Variants in LAMB2 observed in about 807,000 individuals in gnomAD.
LAMB2 encodes the protein laminin subunit beta-2.
LAMB2 carries 119 observed loss-of-function variants against 202.7 expected under a neutral mutation model. The ratio of observed to expected loss-of-function variants is 0.59; its 90% confidence interval spans 0.51 to 0.68. The LOEUF is 0.68. Ranked by LOEUF, LAMB2 falls within the 30% of genes least tolerant of loss-of-function variation. The pLI, the probability that LAMB2 is intolerant of heterozygous loss-of-function variation, is 0.00. For synonymous variants in LAMB2, 818 were observed against 902.2 expected (o/e 0.91, Z 1.67); for missense variants, 2,124 against 2,410.6 (o/e 0.88, Z 2.49).
Position 49,121,327 on chromosome 3 carries a change from G to T in LAMB2, c.5296C>A (p.Leu1766Met), listed in dbSNP as rs200137625. ...EGTYEENERA[L>M]ESKAAQLDGL... ...TCCAACTGGGCTGCCTTACTCTCCAGTGCCCGCTCATTTTCCTCATAGGTG... is the reference window on the plus strand; with the variant it reads ...TCCAACTGGGCTGCCTTACTCTCCATTGCCCGCTCATTTTCCTCATAGGTG... Residue 1766 changes from leucine to methionine, a missense_variant, in exon 32 of 32, where the codon CTG (leucine) becomes ATG (methionine). By Grantham distance (15) the Leu-to-Met change is conservative. Coordinates refer to ENST00000305544, the MANE Select transcript of LAMB2 (RefSeq NM_002292.4). The T allele has an allele frequency of 8.1e-6, 13 of 1,613,972 alleles. No homozygotes were observed. The East Asian group carries it at 2.7e-4, about 33-fold the overall frequency.
Position 49,123,578 on chromosome 3 carries a change from G to C in LAMB2, c.3851C>G (p.Thr1284Arg), listed in dbSNP as rs183898563. 1.2e-6 allele frequency: 2 copies of C among 1,614,190 alleles called. No homozygotes were observed. Among genetic ancestry groups the C allele is most frequent in the South Asian group, 2.2e-5 (2 of 91,090 alleles). Residue 1284 changes from threonine (T) to arginine (R), a missense_variant, in exon 25 of 32, where the codon ACA (threonine) becomes AGA (arginine). By Grantham distance (71) the Thr-to-Arg change is moderately conservative. This residue lies in a region of LAMB2 where 1,702 missense variants were observed against 1,896.3 expected (regional missense o/e 0.90). Coordinates refer to ENST00000305544, the MANE Select transcript of LAMB2 (RefSeq NM_002292.4). ...EHLTQLEADL[T>R]DVQDENFNAN... ...ATTGAAGTTCTCATCTTGCACATCT[G>C]TCAGGTCTGCCTCGAGCTGAGTCAG...
Position 49,131,345 on chromosome 3 carries a change from G to C in LAMB2, c.712+34C>G, listed in dbSNP as rs369592107. Reference sequence around the variant, plus strand: ...CCCCAAATAGTCCCTAGCCGGACACGGACTGTGCCAGACTCAAAGGGTGGA... The same window carrying C: ...CCCCAAATAGTCCCTAGCCGGACACCGACTGTGCCAGACTCAAAGGGTGGA... On this transcript the variant is annotated intron_variant, in intron 6 of 31. Transcript: ENST00000305544. This position sits in a 1 kb window ranked among gnomAD's most constrained non-coding sequence, Gnocchi z 5.0. 11 of 1,608,466 alleles carry C rather than the reference G, an allele frequency of 6.8e-6. No individual in the cohort carries two copies. Among genetic ancestry groups the C allele is most frequent in the Admixed American group, 1.7e-5 (1 of 59,946 alleles).
In LAMB2 at chr3:49,133,015, G is replaced by C. The variant is rs565751614; in HGVS notation, c.-148C>G. 24 of 706,988 alleles carry C rather than the reference G, an allele frequency of 3.4e-5. No individual in the cohort carries two copies. Among genetic ancestry groups the C allele is most frequent in the Non-Finnish European group, 5.5e-5 (22 of 400,054 alleles). 43.8% of individuals were successfully genotyped at this position (706,988 alleles called of 1,614,324 possible). A position where few individuals can be genotyped will look rare whatever the true frequency, so the allele number is the denominator to read the frequency against. ...TGTCAGTTCCCAGGTCTGTCCAGCG[G>C]TCCCTCCGACAGCTTAGAGTCCAGC... On this transcript the variant is annotated 5_prime_UTR_variant, in exon 1 of 32. Transcript: ENST00000305544.
chr3:49,121,137 G>C lies in LAMB2; in HGVS notation c.*89C>G. ...AGTGGGGGTTCACACTGGTTTATTG[G>C]GGGCCCTGCCGGGCCAAGAGCTCTT... On this transcript the variant is annotated 3_prime_UTR_variant, in exon 32 of 32. Transcript: ENST00000305544. The C allele has an allele frequency of 6.7e-7, 1 of 1,494,992 alleles. No individual in the cohort carries two copies. The highest frequency in any genetic ancestry group is 9.2e-7 in the Non-Finnish European group (1 of 1,085,776). 92.6% of individuals were successfully genotyped at this position (1,494,992 alleles called of 1,614,324 possible).
At position 49,130,033 on chromosome 3, in the gene LAMB2, A is replaced by T. The variant is rs1040862119; in HGVS notation, c.1226-15T>A. On this transcript the variant is annotated splice_polypyrimidine_tract_variant and intron_variant, in intron 9 of 31. Transcript: ENST00000305544. The surrounding 1 kb of genome is among the most constrained non-coding windows in gnomAD (Gnocchi z 5.0). ...ACAATCACAGGCTGACGGCAAAAAG[A>T]GATACAGGGTCACTCACCCTATCTC... 2 of 1,613,440 alleles carry T rather than the reference A, an allele frequency of 1.2e-6. No homozygotes were observed. Among genetic ancestry groups the T allele is most frequent in the Non-Finnish European group, 1.7e-6 (2 of 1,179,742 alleles).
chr3:49,132,957 G>C lies in LAMB2; in HGVS notation c.-90C>G. ...TTGGGGTTCCGTGTCAACTCTGCCT[G>C]TGGGTCTTTGGCCTGTTTCCCTCCA... is the stretch of plus-strand genomic sequence containing the variant. On this transcript the variant is annotated 5_prime_UTR_variant, in exon 1 of 32. Coordinates refer to ENST00000305544, the MANE Select transcript of LAMB2 (RefSeq NM_002292.4). This position sits in a 1 kb window ranked among gnomAD's most constrained non-coding sequence, Gnocchi z 4.6. The C allele has an allele frequency of 8.4e-7, 1 of 1,187,878 alleles. No homozygotes were observed. The highest frequency in any genetic ancestry group is 1.2e-6 in the Non-Finnish European group (1 of 800,070). The allele number at this position is 1,187,878 out of a possible 1,614,324, so 73.6% of individuals were successfully genotyped here.
In LAMB2 at chr3:49,130,685, A is replaced by G. The variant is rs2045470684; in HGVS notation, c.1036+55T>C. 4 of 1,610,658 alleles carry G rather than the reference A, an allele frequency of 2.5e-6. No individual in the cohort carries two copies. In the South Asian group the frequency reaches 4.4e-5, roughly 18 times the overall value. ...GACCAACTAGCTCTAGGTTCTACCC[A>G]GGGCACAGCCAGGCTGCAGAGTGCT... On this transcript the variant is annotated intron_variant, in intron 8 of 31. Transcript: ENST00000305544. The surrounding 1 kb of genome is among the most constrained non-coding windows in gnomAD (Gnocchi z 5.0).
rs758687310 is a variant in LAMB2, at chr3:49,121,703, C to T, written c.5081G>A (p.Arg1694His). 70 of 1,613,894 alleles carry T rather than the reference C, an allele frequency of 4.3e-5. No homozygotes were observed. The highest frequency in any genetic ancestry group is 5.8e-5 in the Non-Finnish European group (69 of 1,180,036). Residue 1694 changes from arginine to histidine, a missense_variant, in exon 30 of 32, where the codon CGT (arginine) becomes CAT (histidine). Around this residue, in one of 3 missense-constraint regions of LAMB2, gnomAD observed 1,702 missense variants for 1,896.3 expected, o/e 0.90. Coordinates refer to ENST00000305544, the MANE Select transcript of LAMB2 (RefSeq NM_002292.4). The stretch of plus-strand genomic sequence containing the variant: ...ACCCACCTGCTCAGCCTCCTGGGCA[C>T]GACCCTGGGCACTGCCTGCCGTTTC... ...AEETAGSAQGRAQEAEQLLRG... is the reference protein window; with the variant it reads ...AEETAGSAQGHAQEAEQLLRG...
chr3:49,132,249 T>C lies in LAMB2; in HGVS notation c.385+21A>G, dbSNP rs1346457271. 1.9e-6 allele frequency: 3 copies of C among 1,614,100 alleles called. No individual in the cohort carries two copies. The African/African-American group carries it at 4.0e-5, about 22-fold the overall frequency. On this transcript the variant is annotated intron_variant, in intron 3 of 31. Transcript: ENST00000305544. The surrounding 1 kb of genome is among the most constrained non-coding windows in gnomAD (Gnocchi z 4.6). ...TACTGGTGGGCAGCCCTGCTCACTT[T>C]TGCCCCACCCATGGCCTCACCATTC... is the stretch of plus-strand genomic sequence containing the variant.
chr3:49,130,617 A>T lies in LAMB2; in HGVS notation c.1036+123T>A, dbSNP rs2045470242. Reference sequence around the variant, plus strand: ...ATTGAGGGGGTCCCAAGGGGCATCAAGGTCTGCATACTCTTTGGATACAGC... The same window carrying T: ...ATTGAGGGGGTCCCAAGGGGCATCATGGTCTGCATACTCTTTGGATACAGC... On this transcript the variant is annotated intron_variant, in intron 8 of 31. Coordinates refer to ENST00000305544, the MANE Select transcript of LAMB2 (RefSeq NM_002292.4). The surrounding 1 kb of genome is among the most constrained non-coding windows in gnomAD (Gnocchi z 5.0). The T allele has an allele frequency of 1.3e-6, 2 of 1,483,582 alleles. No individual in the cohort carries two copies. Among genetic ancestry groups the T allele is most frequent in the Non-Finnish European group, 1.9e-6 (2 of 1,072,360 alleles). 91.9% of individuals were successfully genotyped at this position (1,483,582 alleles called of 1,614,324 possible).
rs369406683 is a variant in LAMB2 at position 49,124,449 on chromosome 3, A to G, written c.3273T>C (p.Gly1091=). ...PNFWNLTSGH[G]CQPCACHPSR... is the part of the protein sequence containing the mutation. The stretch of plus-strand genomic sequence containing the variant: ...TTGGGTGGCAGGCACAAGGCTGGCA[A>G]CCATGGCCACTGGTGAGGTTCCAGA... Residue 1091 remains glycine, a synonymous_variant, in exon 22 of 32, where the codon GGT becomes GGC. Coordinates refer to ENST00000305544, the MANE Select transcript of LAMB2 (RefSeq NM_002292.4). 8.1e-6 allele frequency: 13 copies of G among 1,613,566 alleles called. No individual in the cohort carries two copies. Among genetic ancestry groups the G allele is most frequent in the Non-Finnish European group, 1.7e-6 (2 of 1,180,042 alleles).
chr3:49,122,545 C>G, intron 27 of LAMB2, 159 bp downstream of exon 27: 1 of 918,604 alleles, frequency 1.1e-6, no homozygotes, highest in Non-Finnish European at 1.8e-6. Flanking sequence ...GAACATGGAC[C>G]TGGGACCACA....
rs1259349624 is a variant in LAMB2 at position 49,132,658 on chromosome 3, C to A, written c.82G>T (p.Ala28Ser). Residue 28 changes from alanine to serine, a missense_variant, in exon 2 of 32, where the codon GCT (alanine) becomes TCT (serine). Ala to Ser is a moderately conservative substitution (Grantham distance 99, BLOSUM62 1). Transcript: ENST00000305544. The surrounding 1 kb of genome is among the most constrained non-coding windows in gnomAD (Gnocchi z 4.6). ...LRLGLLLSVL[A>S]ATLAQAPAPD... The stretch of plus-strand genomic sequence containing the variant: ...GCAGGGGCCTGTGCCAGTGTGGCAG[C>A]CAGCACTGGGGACAGTAGCTCAGTC... The A allele has an allele frequency of 1.2e-6, 2 of 1,614,146 alleles. No homozygotes were observed. The highest frequency in any genetic ancestry group is 1.7e-6 in the Non-Finnish European group (2 of 1,180,044).
In LAMB2 at chr3:49,130,738, A is replaced by G; in HGVS notation, c.1036+2T>C. ...AGCTATGGAGGCCAAGATCTCACTC[A>G]CTCCTACAGGCATGACTATGGCCGT... On this transcript the variant is annotated splice_donor_variant, in intron 8 of 31. Transcript: ENST00000305544. LOFTEE classifies it high-confidence loss of function. This position sits in a 1 kb window ranked among gnomAD's most constrained non-coding sequence, Gnocchi z 5.0. 6.2e-7 allele frequency: 1 copy of G among 1,613,672 alleles called. No homozygotes were observed. Among genetic ancestry groups the G allele is most frequent in the Non-Finnish European group, 8.5e-7 (1 of 1,179,946 alleles).
In LAMB2 at chr3:49,131,161, G is replaced by A. The variant is rs1305865023; in HGVS notation, c.713-9C>T. ...GGTGATCTTCAACAGGTCTGAGGCG[G>A]GGGAAGGGGGGCCAACTGACCAGGC... On this transcript the variant is annotated splice_polypyrimidine_tract_variant and intron_variant, in intron 6 of 31. Transcript: ENST00000305544. This position sits in a 1 kb window ranked among gnomAD's most constrained non-coding sequence, Gnocchi z 5.0. 2.5e-6 allele frequency: 4 copies of A among 1,612,842 alleles called. No homozygotes were observed. Among genetic ancestry groups the A allele is most frequent in the Non-Finnish European group, 3.4e-6 (4 of 1,179,778 alleles).
Position 49,130,614 on chromosome 3 carries a change from T to C in LAMB2, c.1036+126A>G, listed in dbSNP as rs1218042838. On this transcript the variant is annotated intron_variant, in intron 8 of 31. Transcript: ENST00000305544. The surrounding 1 kb of genome is among the most constrained non-coding windows in gnomAD (Gnocchi z 5.0). ...AGGATTGAGGGGGTCCCAAGGGGCATCAAGGTCTGCATACTCTTTGGATAC... is the reference window on the plus strand; with the variant it reads ...AGGATTGAGGGGGTCCCAAGGGGCACCAAGGTCTGCATACTCTTTGGATAC... 25 of 1,480,652 alleles carry C rather than the reference T, an allele frequency of 1.7e-5. No individual in the cohort carries two copies. Among genetic ancestry groups the C allele is most frequent in the Non-Finnish European group, 2.3e-5 (25 of 1,070,038 alleles). 91.7% of individuals were successfully genotyped at this position (1,480,652 alleles called of 1,614,324 possible). A position where few individuals can be genotyped will look rare whatever the true frequency, so the allele number is the denominator to read the frequency against.
rs149653966 is a variant in LAMB2 at position 49,124,865 on chromosome 3, C to T, written c.2945G>A (p.Arg982Gln). Reference protein sequence around the residue: ...HFGDPSRPGGRCQLCECSGNI... With the variant: ...HFGDPSRPGGQCQLCECSGNI... ...CCCACTGCACTCACACAGTTGGCAC[C>T]GGCCACCTGGCCTTGATGGGTCCCC... The change falls in exon 21 of 32, where the codon CGG becomes CAG. Residue 982 changes from arginine (R) to glutamine (Q), a missense_variant. Physicochemically the swap from Arg to Gln is conservative, Grantham distance 43 (BLOSUM62 1). This residue lies in a region of LAMB2 where 1,702 missense variants were observed against 1,896.3 expected (regional missense o/e 0.90). Transcript: ENST00000305544. 121 of 1,614,094 alleles carry T rather than the reference C, an allele frequency of 7.5e-5. 1 individual carries two copies. In the East Asian group the frequency reaches 1.2e-3, roughly 16 times the overall value.
rs899406077 is a variant in LAMB2, at chr3:49,131,675, G to A, written c.508C>T (p.Arg170Cys). 9 of 1,613,462 alleles carry A rather than the reference G, an allele frequency of 5.6e-6. No individual in the cohort carries two copies. The highest frequency in any genetic ancestry group is 2.2e-5 in the East Asian group (1 of 44,882). ...MLVERSADFGRTWHVYRYFSY... is the reference protein window; with the variant it reads ...MLVERSADFGCTWHVYRYFSY... ...AAATATCGGTACACATGCCAGGTGC[G>A]GCCAAAGTCTGCTGAGCGTTCCACC... Residue 170 changes from arginine (R) to cysteine (C), a missense_variant, in exon 5 of 32, where the codon CGC (arginine) becomes TGC (cysteine). Physicochemically the swap from Arg to Cys is radical, Grantham distance 180 (BLOSUM62 -3). Coordinates refer to ENST00000305544, the MANE Select transcript of LAMB2 (RefSeq NM_002292.4). The surrounding 1 kb of genome is among the most constrained non-coding windows in gnomAD (Gnocchi z 5.0).
intron 15 of LAMB2, among the ~76,000 whole-genome samples, chr3:49,127,308 A>C (rs557646361): frequency 6.6e-6 from 1 of 152,138 alleles, no homozygotes; most frequent in African/African-American, 2.4e-5. Flanking sequence ...TTTTCTAAAC[A>C]CAAGTCACAG....
Sources: gnomAD v4.1 joint callset for allele counts (sites outside exome capture counted in the v4.1 genomes callset) on GRCh38, gnomAD v4.1.1 for gene constraint, gnomAD v4.1.1 regional missense constraint, Gnocchi (gnomAD v3.1) non-coding constraint, MANE v1.5 for transcripts, NCBI Gene and HGNC (gene_info 2026-07-23, HGNC 2026-07-21) for gene names.